The following MARCHF1 variants were observed in gnomAD, a reference collection of about 807,000 sequenced individuals.
The protein encoded by MARCHF1 is membrane associated ring-CH-type finger 1.
MARCHF1 carries 40 observed loss-of-function variants against 54.2 expected under a neutral mutation model. The ratio of observed to expected loss-of-function variants is 0.74; its 90% CI spans 0.57 to 0.96. The LOEUF (loss-of-function observed/expected upper bound fraction) is 0.96, where lower values mean the gene tolerates loss of function less well. Ranked by LOEUF, MARCHF1 falls within the 40% of genes least tolerant of loss-of-function variation. The pLI, the probability that MARCHF1 is intolerant of heterozygous loss-of-function variation, is 0.00. For missense variants in MARCHF1, 586 were observed against 656.5 expected (o/e 0.89, Z 1.17); for synonymous variants, 236 against 236.3 (o/e 1.00, Z 0.01).
intron 1 of MARCHF1, among the ~76,000 whole-genome samples, chr4:164,213,555 T>C (rs1203843591): frequency 6.6e-6 from 1 of 151,976 alleles, no homozygotes. Flanking sequence ...CTTTTAAAAA[T>C]TCTACGTAAC....
chr4:163,993,842 G>T (rs919951092), intron 2 of MARCHF1, among the ~76,000 whole-genome samples: 2 of 151,932 alleles, frequency 1.3e-5, no homozygotes, highest in South Asian at 2.1e-4. Context: ...AGGTACAGGG[G>T]TATTAATAAT....
At chr4:164,151,227 G>A (rs1388401407) in intron 1 of MARCHF1, among the ~76,000 whole-genome samples, 2 of 152,158 alleles carry the variant, frequency 1.3e-5, no homozygotes, top group African/African-American at 2.4e-5. Flanking sequence ...CGAAGACAGT[G>A]ATGAATAGGA....
chr4:164,146,369 A>C (rs1729735009), intron 1 of MARCHF1, among the ~76,000 whole-genome samples: 1 of 151,772 alleles, frequency 6.6e-6, no homozygotes, highest in Non-Finnish European at 1.5e-5. Flanking sequence ...CGCCAAGTCA[A>C]TCCTGAACCA....
intron 4 of MARCHF1, among the ~76,000 whole-genome samples, chr4:163,840,978 A>C (rs77368276): frequency 4.4e-4 from 3 of 6,792 alleles, no homozygotes; most frequent in Admixed American, 3.7e-3. Context: ...GCAATTTTTT[A>C]AAAAAAATCT....
intron 2 of MARCHF1, among the ~76,000 whole-genome samples, chr4:164,033,860 G>A (rs556743760): frequency 6.6e-6 from 1 of 152,286 alleles, no homozygotes; most frequent in Admixed American, 6.5e-5. Context: ...GTGGAAGACA[G>A]TGTGGTGATT....
chr4:163,854,964 C>T (rs1043059490), intron 3 of MARCHF1, among the ~76,000 whole-genome samples: 23 of 152,218 alleles, frequency 1.5e-4, no homozygotes, highest in African/African-American at 5.3e-4. Context: ...TAGTTTATTG[C>T]AGGTCTTTAG....
chr4:164,244,581 A>G (rs1732880295), intron 1 of MARCHF1, among the ~76,000 whole-genome samples: 1 of 139,472 alleles, frequency 7.2e-6, no homozygotes, highest in African/African-American at 2.6e-5. Context: ...TTCAAAAGCT[A>G]GCAGAAGGCA....
chr4:163,862,137 C>A (rs556354199), intron 3 of MARCHF1, among the ~76,000 whole-genome samples: 2 of 151,960 alleles, frequency 1.3e-5, no homozygotes, highest in South Asian at 4.2e-4. Flanking sequence ...ATGTGGGTGA[C>A]CTTGGGTTTA....
At chr4:163,951,426 T>C (rs1722968657) in intron 3 of MARCHF1, among the ~76,000 whole-genome samples, 1 of 152,214 alleles carries the variant, frequency 6.6e-6, no homozygotes, top group South Asian at 2.1e-4. Flanking sequence ...GGAGGATTAC[T>C]TCCTGGTAGA....
At chr4:164,211,458 C>G (rs1453168690) in intron 1 of MARCHF1, among the ~76,000 whole-genome samples, 1 of 150,784 alleles carries the variant, frequency 6.6e-6, no homozygotes, top group Non-Finnish European at 1.5e-5. Context: ...GTAAAAATAA[C>G]ATAAAAAGAA....
At chr4:164,037,157 A>G (rs1306723305) in intron 2 of MARCHF1, among the ~76,000 whole-genome samples, 1 of 152,142 alleles carries the variant, frequency 6.6e-6, no homozygotes, top group Non-Finnish European at 1.5e-5. Flanking sequence ...AGACATGTCG[A>G]ATTTATGATG....
At chr4:163,637,170 C>T (rs188570233) in intron 5 of MARCHF1, among the ~76,000 whole-genome samples, 1 of 152,032 alleles carries the variant, frequency 6.6e-6, no homozygotes, top group African/African-American at 2.4e-5. Flanking sequence ...CTTTACCATT[C>T]AGGACATAGG....
chr4:163,761,427 C>A (rs935263615), intron 4 of MARCHF1, among the ~76,000 whole-genome samples: 1 of 152,184 alleles, frequency 6.6e-6, no homozygotes, highest in African/African-American at 2.4e-5. Context: ...TATCTGTGAC[C>A]TTGAAGGCAT....
intron 4 of MARCHF1, among the ~76,000 whole-genome samples, chr4:163,719,365 C>A (rs576554005): frequency 3.1e-4 from 47 of 152,190 alleles, no homozygotes; most frequent in Non-Finnish European, 5.3e-4. Context: ...TGAACTCATC[C>A]TTTTTTGTGA....
chr4:163,721,345 A>G (rs1201743893), intron 4 of MARCHF1, among the ~76,000 whole-genome samples: 1 of 152,100 alleles, frequency 6.6e-6, no homozygotes, highest in African/African-American at 2.4e-5. Flanking sequence ...TGATTTGCAT[A>G]TGTTGAACCA....
At chr4:163,631,559 TAGTC>T (rs1230680870) in intron 5 of MARCHF1, among the ~76,000 whole-genome samples, 2 of 152,164 alleles carry the variant, frequency 1.3e-5, no homozygotes, top group African/African-American at 2.4e-5. Flanking sequence ...TGCCAAAAAA[TAGTC>T]AGATAATTTA....
At chr4:163,630,494 T>A (rs1486433473) in intron 5 of MARCHF1, among the ~76,000 whole-genome samples, 2 of 152,162 alleles carry the variant, frequency 1.3e-5, no homozygotes, top group Non-Finnish European at 2.9e-5. Flanking sequence ...TTCTACGTCT[T>A]GATTGCAGCA....
intron 4 of MARCHF1, among the ~76,000 whole-genome samples, chr4:163,756,525 AG>A (rs1270637350): frequency 6.8e-6 from 1 of 147,184 alleles, no homozygotes; most frequent in African/African-American, 2.5e-5. Context: ...CCCAGCTACT[AG>A]GGATGCTGAG....
chr4:164,298,217 C>T (rs1245917205), intron 1 of MARCHF1, among the ~76,000 whole-genome samples: 1 of 151,956 alleles, frequency 6.6e-6, no homozygotes, highest in East Asian at 1.9e-4. Context: ...ATAGCAAATT[C>T]AAATGTGGAA....
Sources: allele counts gnomAD v4.1 joint callset (sites outside exome capture counted in the v4.1 genomes callset), GRCh38; gene constraint gnomAD v4.1.1; transcripts MANE v1.5; gene names NCBI Gene and HGNC (gene_info 2026-07-23, HGNC 2026-07-21).